The following TRAPPC10 variants were observed in gnomAD, a reference collection of about 807,000 sequenced individuals.
TRAPPC10 encodes the protein trafficking protein particle complex subunit 10.
TRAPPC10 carries 23 observed loss-of-function variants against 125.5 expected under a neutral mutation model. The observed-to-expected ratio is 0.18, with a 90% CI of 0.13 to 0.26. The LOEUF is 0.26. TRAPPC10 is among the 10% of genes least tolerant of loss of function. The pLI is 1.00. For synonymous variants in TRAPPC10, 509 were observed against 518.0 expected (o/e 0.98, Z 0.24); for missense variants, 1,123 against 1,308.4 (o/e 0.86, Z 2.19).
chr21:44,039,018 G>A (rs1053877880), intron 3 of TRAPPC10, among the ~76,000 whole-genome samples: 1 of 152,316 alleles, frequency 6.6e-6, no homozygotes, highest in East Asian at 1.9e-4. Context: ...CTGGCCTGCT[G>A]TGCCAGCTCT....
intron 4 of TRAPPC10, among the ~76,000 whole-genome samples, chr21:44,054,964 G>A (rs918431833): frequency 1.3e-5 from 2 of 152,206 alleles, no homozygotes; most frequent in Non-Finnish European, 2.9e-5. Context: ...GCAGGCTTGA[G>A]CTGGGAAGCA....
At chr21:44,039,223 C>G (rs2034231882) in intron 3 of TRAPPC10, among the ~76,000 whole-genome samples, 1 of 152,228 alleles carries the variant, frequency 6.6e-6, no homozygotes, top group African/African-American at 2.4e-5. Context: ...ACTAAGGGTG[C>G]TGACCTTTCC....
chr21:44,059,362 A>G lies in TRAPPC10; in HGVS notation c.790+148A>G. The G allele has an allele frequency of 4.3e-6, 3 of 692,246 alleles. No individual in the cohort carries two copies. The South Asian group carries it at 4.9e-5, about 11-fold the overall frequency. 42.9% of individuals were successfully genotyped at this position (692,246 alleles called of 1,614,324 possible). On this transcript the variant is annotated intron_variant, in intron 6 of 22. Coordinates refer to ENST00000291574, the MANE Select transcript of TRAPPC10 (RefSeq NM_003274.5). This position sits in a 1 kb window ranked among gnomAD's most constrained non-coding sequence, Gnocchi z 4.4. ...ACATTATATCGGATATATTCTCGTG[A>G]TTCCTAGAGGAAATGAAATGAGAAT...
intron 1 of TRAPPC10, among the ~76,000 whole-genome samples, chr21:44,015,987 C>A (rs1337897407): frequency 1.3e-5 from 2 of 152,182 alleles, no homozygotes; most frequent in Admixed American, 6.5e-5. Context: ...GGGACTAGCA[C>A]AGTAGGGGCC....
rs1471443495 is a variant in TRAPPC10, at chr21:44,059,496, C to T, written c.790+282C>T. 5.3e-6 allele frequency: 4 copies of T among 757,086 alleles called. No individual in the cohort carries two copies. Among genetic ancestry groups the T allele is most frequent in the South Asian group, 4.2e-5 (3 of 70,604 alleles). 46.9% of individuals were successfully genotyped at this position (757,086 alleles called of 1,614,324 possible). A position where few individuals can be genotyped will look rare whatever the true frequency, so the allele number is the denominator to read the frequency against. On this transcript the variant is annotated intron_variant, in intron 6 of 22. Transcript: ENST00000291574. The surrounding 1 kb of genome is among the most constrained non-coding windows in gnomAD (Gnocchi z 4.4). Reference sequence around the variant, plus strand: ...AATGTCCTTTCCACAACTCAGTGGCCTGCTGGTGATGCTTCGATTCTGTCC... The same window carrying T: ...AATGTCCTTTCCACAACTCAGTGGCTTGCTGGTGATGCTTCGATTCTGTCC...
rs2035882191 is a variant in TRAPPC10 at position 44,059,577 on chromosome 21, A to G, written c.790+363A>G. 1 of 699,450 alleles carries G rather than the reference A, an allele frequency of 1.4e-6. No homozygotes were observed. Among genetic ancestry groups the G allele is most frequent in the South Asian group, 1.6e-5 (1 of 63,972 alleles). The allele number at this position is 699,450 out of a possible 1,614,324, so 43.3% of individuals were successfully genotyped here. ...CCTTCCATCCAGGGGTTATCTTTGGAATGCTCGAGTGCTCATTGCTGTGAA... is the reference window on the plus strand; with the variant it reads ...CCTTCCATCCAGGGGTTATCTTTGGGATGCTCGAGTGCTCATTGCTGTGAA... On this transcript the variant is annotated intron_variant, in intron 6 of 22. Coordinates refer to ENST00000291574, the MANE Select transcript of TRAPPC10 (RefSeq NM_003274.5). This position sits in a 1 kb window ranked among gnomAD's most constrained non-coding sequence, Gnocchi z 4.4.
chr21:44,058,138 G>A (rs1312415157), intron 5 of TRAPPC10, among the ~76,000 whole-genome samples: 1 of 152,206 alleles, frequency 6.6e-6, no homozygotes, highest in Admixed American at 6.5e-5. Flanking sequence ...ATGCTAGGGC[G>A]AGAGAGAGGC....
intron 1 of TRAPPC10, among the ~76,000 whole-genome samples, chr21:44,029,788 G>A (rs553313339): frequency 6.6e-6 from 1 of 152,162 alleles, no homozygotes; most frequent in Non-Finnish European, 1.5e-5. Flanking sequence ...AGTTGGATTA[G>A]GGCCCATCCT....
chr21:44,069,540 C>G (rs1184038059), intron 7 of TRAPPC10, among the ~76,000 whole-genome samples: 1 of 152,190 alleles, frequency 6.6e-6, no homozygotes, highest in Non-Finnish European at 1.5e-5. Context: ...GGCGCTCATT[C>G]ACTGATGGTA....
intron 5 of TRAPPC10, 152 bp from the exon 6 acceptor site, chr21:44,058,951 A>G (rs2035825113): frequency 1.8e-6 from 1 of 561,738 alleles, no homozygotes; most frequent in African/African-American, 1.9e-5. Flanking sequence ...ATGTTGACAT[A>G]TGCGGTCGTC....
intron 19 of TRAPPC10, among the ~76,000 whole-genome samples, chr21:44,092,556 T>C (rs531061998): frequency 2.2e-4 from 33 of 152,290 alleles, no homozygotes; most frequent in African/African-American, 7.5e-4. Flanking sequence ...GCTGAGTGTT[T>C]AGAGATCAAA....
chr21:44,101,376 G>GA lies in TRAPPC10; in HGVS notation c.3347-1396dup, dbSNP rs1306259270. On this transcript the variant is annotated intron_variant, in intron 21 of 22. Transcript: ENST00000291574. ...CAGACCATCCACATCCATTTTCAAG[G>GA]AAAAAATTCACCTTGTTCATGCCCT... 4.4e-5 allele frequency among the ~76,000 whole-genome samples: 3 copies of GA among 68,456 alleles called. 1 individual carries two copies. The highest frequency in any genetic ancestry group is 1.4e-4 in the Non-Finnish European group (3 of 21,128). 44.9% of individuals were successfully genotyped at this position (68,456 alleles called of 152,430 possible).
At chr21:44,017,800 T>C (rs2032039130) in intron 1 of TRAPPC10, among the ~76,000 whole-genome samples, 1 of 152,044 alleles carries the variant, frequency 6.6e-6, no homozygotes, top group African/African-American at 2.4e-5. Flanking sequence ...CACCCTGTTT[T>C]GCGACGATAA....
chr21:44,055,577 CAAAA>C (rs548421815), intron 4 of TRAPPC10, 117 bp from the exon 5 acceptor site: 862 of 589,624 alleles, frequency 1.5e-3, no homozygotes, highest in South Asian at 3.3e-3. Context: ...AACTCTGTCT[CAAAA>C]AAAAAAAAAA....
At chr21:44,055,994 T>A (rs1227934951) in intron 5 of TRAPPC10, 101 bp downstream of exon 5, 1 of 1,087,900 alleles carries the variant, frequency 9.2e-7, no homozygotes, top group East Asian at 2.4e-5. Context: ...CCTCTCGTGG[T>A]AATCTCATTG....
chr21:44,079,958 C>A, intron 12 of TRAPPC10, 57 bp from the exon 13 acceptor site: 1 of 1,483,950 alleles, frequency 6.7e-7, no homozygotes, highest in Non-Finnish European at 9.3e-7. Context: ...TTTGCATCCA[C>A]TTCCCCCCGC....
At position 44,059,027 on chromosome 21, in the gene TRAPPC10, T is replaced by G; in HGVS notation, c.679-76T>G. The G allele has an allele frequency of 9.7e-7, 1 of 1,027,902 alleles. No individual in the cohort carries two copies. Among genetic ancestry groups the G allele is most frequent in the Non-Finnish European group, 1.3e-6 (1 of 744,060 alleles). 63.7% of individuals were successfully genotyped at this position (1,027,902 alleles called of 1,614,324 possible). A position where few individuals can be genotyped will look rare whatever the true frequency, so the allele number is the denominator to read the frequency against. On this transcript the variant is annotated intron_variant, in intron 5 of 22. Coordinates refer to ENST00000291574, the MANE Select transcript of TRAPPC10 (RefSeq NM_003274.5). The surrounding 1 kb of genome is among the most constrained non-coding windows in gnomAD (Gnocchi z 4.4). ...GTGCTGCGTGCCTTTCTCTGTCGTT[T>G]AATGGCTACATACTGTTTCTTCTAT...
In TRAPPC10 at chr21:44,083,084, C is replaced by T. The variant is rs1400303215; in HGVS notation, c.2020C>T (p.Leu674=). The T allele has an allele frequency of 6.2e-7, 1 of 1,613,990 alleles. No homozygotes were observed. Among genetic ancestry groups the T allele is most frequent in the Non-Finnish European group, 8.5e-7 (1 of 1,180,038 alleles). Residue 674 remains leucine, a synonymous_variant, in exon 14 of 23, where the codon CTG becomes TTG. Transcript: ENST00000291574. ...FPVSQNSLPA[L]ELYEMFERSP... ...TGTATCCCAAAACAGTTTGCCCGCG[C>T]TGGAGTTGTATGAAATGTTTGAGAG...
chr21:44,055,484 G>T lies in TRAPPC10; in HGVS notation c.483-214G>T, dbSNP rs112348575. ...TGCGTGCCTGTGATCCCAGCTACTG[G>T]GGAGGATCACTGGAGCCTGGGAGGT... On this transcript the variant is annotated intron_variant, in intron 4 of 22. Coordinates refer to ENST00000291574, the MANE Select transcript of TRAPPC10 (RefSeq NM_003274.5). Among the ~76,000 whole-genome samples the T allele has an allele frequency of 8.3e-3, 1,256 of 151,974 alleles. 12 individuals carry two copies. Among genetic ancestry groups the T allele is most frequent in the African/African-American group, 0.029 (1,191 of 41,438 alleles).
Sources: allele counts gnomAD v4.1 joint callset (sites outside exome capture counted in the v4.1 genomes callset), GRCh38; gene constraint gnomAD v4.1.1; non-coding constraint Gnocchi (gnomAD v3.1); transcripts MANE v1.5; gene names NCBI Gene and HGNC (gene_info 2026-07-23, HGNC 2026-07-21).